GPS1: variants seen among roughly 807,000 people sequenced by gnomAD.
GPS1 encodes the protein COP9 signalosome complex subunit 1.
In GPS1, 11 loss-of-function variants were observed where a neutral mutation model predicts 60.0. That is an observed-to-expected ratio of 0.18 (90% CI 0.12 to 0.30). The LOEUF is 0.30. GPS1 is among the 10% of genes least tolerant of loss of function. The probability of loss-of-function intolerance (pLI) is 1.00; values close to 1 mark genes in which losing one functional copy is unlikely to be tolerated. For missense variants in GPS1, 543 were observed against 669.2 expected (o/e 0.81, Z 2.08); for synonymous variants, 343 against 269.8 (o/e 1.27, Z -2.66).
At position 82,052,345 on chromosome 17, in the gene GPS1, A is replaced by G. The variant is rs2030974381; in HGVS notation, c.33+381A>G. 2.5e-6 allele frequency: 4 copies of G among 1,612,916 alleles called. No individual in the cohort carries two copies. In the East Asian group the frequency reaches 8.9e-5, roughly 36 times the overall value. ...CGGCCCCCAGCTCGGCCTCCTCGTC[A>G]GTGACAGATCTGTACTGCACCCCTC... On this transcript the variant is annotated intron_variant, in intron 1 of 12. Transcript: ENST00000578552.
intron 1 of GPS1, chr17:82,052,388 C>A: frequency 6.2e-7 from 1 of 1,612,182 alleles, no homozygotes. Flanking sequence ...TAGGTCAGAC[C>A]TCGTCCTGCC....
At chr17:82,051,294 C>T (rs200724330), upstream of GPS1, 224 of 1,407,558 alleles carry the variant, frequency 1.6e-4, 1 homozygote, top group African/African-American at 2.9e-3. The surrounding 1 kb of genome is among the most constrained non-coding windows in gnomAD (Gnocchi z 4.1). Context: ...GGACACTCAC[C>T]GCCCTGGAGC....
In GPS1 at chr17:82,051,981, G is replaced by A. The variant is rs1357761068; in HGVS notation, c.33+17G>A. The A allele has an allele frequency of 1.7e-6, 2 of 1,156,512 alleles. No homozygotes were observed. The highest frequency in any genetic ancestry group is 4.8e-5 in the Admixed American group (1 of 20,968). The allele number at this position is 1,156,512 out of a possible 1,614,324, so 71.6% of individuals were successfully genotyped here. On this transcript the variant is annotated intron_variant, in intron 1 of 12. Transcript: ENST00000578552. The surrounding 1 kb of genome is among the most constrained non-coding windows in gnomAD (Gnocchi z 4.1). ...AACTTGCAGGTAACGAGCCGAGGCC[G>A]CCCCGGGCCTCCGCGCCCCCGCGCC... is the stretch of plus-strand genomic sequence containing the variant.
At chr17:82,051,891 C>T (rs1598475850), upstream of GPS1, 2 of 1,157,664 alleles carry the variant, frequency 1.7e-6, no homozygotes, top group East Asian at 3.9e-5. This position sits in a 1 kb window ranked among gnomAD's most constrained non-coding sequence, Gnocchi z 4.1. Context: ...GGCTTCGCTG[C>T]CCCGGAAGTG....
intron 1 of GPS1, chr17:82,052,584 G>A (rs2031116368): frequency 8.3e-7 from 1 of 1,208,950 alleles, no homozygotes; most frequent in East Asian, 2.6e-5. Flanking sequence ...AGCGCAGGAG[G>A]GGAGGGAGCC....
intron 2 of GPS1, 146 bp downstream of exon 2, chr17:82,053,512 TTC>T (rs1239531449): frequency 6.8e-6 from 4 of 585,842 alleles, no homozygotes; most frequent in Non-Finnish European, 1.1e-5. Context: ...CCATCAGCGT[TTC>T]TGATTGCGCA....
chr17:82,053,179 C>T, intron 1 of GPS1, 95 bp from the exon 2 acceptor site: 1 of 1,000,064 alleles, frequency 1.0e-6, no homozygotes. Context: ...CCTGGAAGAT[C>T]TTGGGCAGAG....
In GPS1 at chr17:82,054,497, G is replaced by C; in HGVS notation, c.309-13G>C. The C allele has an allele frequency of 6.7e-7, 1 of 1,493,504 alleles. No individual in the cohort carries two copies. The highest frequency in any genetic ancestry group is 2.3e-5 in the East Asian group (1 of 42,710). The allele number at this position is 1,493,504 out of a possible 1,614,324, so 92.5% of individuals were successfully genotyped here. ...GTGACCGCCGCCATCCTGATGGCCA[G>C]GTCCTCTCTCAGGGAGCTGCAGAAC... On this transcript the variant is annotated splice_polypyrimidine_tract_variant and intron_variant, in intron 3 of 12. Coordinates refer to ENST00000578552, the MANE Select transcript of GPS1 (RefSeq NM_001321092.3).
At chr17:82,052,222 G>T (rs1297004074) in intron 1 of GPS1, 2 of 1,574,124 alleles carry the variant, frequency 1.3e-6, no homozygotes, top group Non-Finnish European at 1.7e-6. Context: ...GAGGTTCCCG[G>T]CCGCCCCGAC....
At chr17:82,052,357 G>A in intron 1 of GPS1, 1 of 1,612,750 alleles carries the variant, frequency 6.2e-7, no homozygotes, top group Non-Finnish European at 8.5e-7. Context: ...TGACAGATCT[G>A]TACTGCACCC....
In GPS1 at chr17:82,057,323, C is replaced by T. The variant is rs1164343007; in HGVS notation, c.*196C>T. Reference sequence around the variant, plus strand: ...GGCCCTTCCTGGAAGGAGAGGCCTGCAGGGCTCGACCCTGTGGGTTTCTGT... The same window carrying T: ...GGCCCTTCCTGGAAGGAGAGGCCTGTAGGGCTCGACCCTGTGGGTTTCTGT... On this transcript the variant is annotated 3_prime_UTR_variant, in exon 13 of 13. Transcript: ENST00000578552. 7 of 760,444 alleles carry T rather than the reference C, an allele frequency of 9.2e-6. No homozygotes were observed. Among genetic ancestry groups the T allele is most frequent in the African/African-American group, 3.4e-5 (2 of 58,190 alleles). The allele number at this position is 760,444 out of a possible 1,614,324, so 47.1% of individuals were successfully genotyped here. A position where few individuals can be genotyped will look rare whatever the true frequency, so the allele number is the denominator to read the frequency against.
chr17:82,054,220 G>T, intron 3 of GPS1, 171 bp downstream of exon 3: 2 of 778,956 alleles, frequency 2.6e-6, no homozygotes, highest in Non-Finnish European at 4.0e-6. Context: ...TGTGTGTGTG[G>T]CTTCTGTGTG....
chr17:82,057,293 G>C lies in GPS1; in HGVS notation c.*166G>C, dbSNP rs749957833. 2.7e-5 allele frequency: 24 copies of C among 897,278 alleles called. No individual in the cohort carries two copies. The highest frequency in any genetic ancestry group is 4.2e-5 in the Non-Finnish European group (23 of 553,620). The allele number at this position is 897,278 out of a possible 1,614,324, so 55.6% of individuals were successfully genotyped here. On this transcript the variant is annotated 3_prime_UTR_variant, in exon 13 of 13. Coordinates refer to ENST00000578552, the MANE Select transcript of GPS1 (RefSeq NM_001321092.3). ...GGGCTGAGGAGGCAGGCGGCTGCTA[G>C]TTGTGGCCCTTCCTGGAAGGAGAGG... is the stretch of plus-strand genomic sequence containing the variant.
At chr17:82,052,005 C>G in intron 1 of GPS1, 41 bp downstream of exon 1, 11 of 1,139,642 alleles carry the variant, frequency 9.7e-6, no homozygotes, top group Non-Finnish European at 1.2e-5. Context: ...CGCCCCCGCG[C>G]CCCCCGCCAC....
In GPS1 at chr17:82,052,762, G is replaced by T. The variant is rs535426801; in HGVS notation, c.34-512G>T. The T allele has an allele frequency of 1.5e-4, 64 of 439,292 alleles. No individual in the cohort carries two copies. In the South Asian group the frequency reaches 1.6e-3, roughly 11 times the overall value. 27.2% of individuals were successfully genotyped at this position (439,292 alleles called of 1,614,324 possible). A position where few individuals can be genotyped will look rare whatever the true frequency, so the allele number is the denominator to read the frequency against. ...GTGTCTCCCAGCTGGGGGCCATGAGGCTCCCTGAGATGACTCTTTTCCCCT... is the reference window on the plus strand; with the variant it reads ...GTGTCTCCCAGCTGGGGGCCATGAGTCTCCCTGAGATGACTCTTTTCCCCT... On this transcript the variant is annotated intron_variant, in intron 1 of 12. Transcript: ENST00000578552.
intron 7 of GPS1, 53 bp from the exon 8 acceptor site, chr17:82,055,948 G>C: frequency 6.8e-7 from 1 of 1,468,762 alleles, no homozygotes; most frequent in South Asian, 1.1e-5. Flanking sequence ...TGATGGGCAG[G>C]CAGGGGTGGC....
rs1415694777 is a variant in GPS1 at position 82,056,476 on chromosome 17, C to G, written c.1042C>G (p.Leu348Val). ...LKMLDEMKDN[L>V]LLDMYLAPHV... ...TGACCAGCCCCTTCCCCAGGACAAC[C>G]TGCTCCTGGACATGTATCTGGCCCC... Residue 348 changes from leucine to valine, a missense_variant, in exon 10 of 13, where the codon CTG becomes GTG. Coordinates refer to ENST00000578552, the MANE Select transcript of GPS1 (RefSeq NM_001321092.3). 6.8e-6 allele frequency: 11 copies of G among 1,613,068 alleles called. No homozygotes were observed. Among genetic ancestry groups the G allele is most frequent in the Non-Finnish European group, 9.3e-6 (11 of 1,180,012 alleles).
At position 82,056,502 on chromosome 17, in the gene GPS1, C is replaced by T. The variant is rs1212942268; in HGVS notation, c.1068C>T (p.Pro356=). ...DNLLLDMYLA[P]HVRTLYTQIR... ...TGCTCCTGGACATGTATCTGGCCCC[C>T]CATGTCAGGACCCTGTACACCCAGA... is the stretch of plus-strand genomic sequence containing the variant. The change falls in exon 10 of 13, where the codon CCC becomes CCT. Residue 356 remains proline (P), a synonymous_variant. Transcript: ENST00000578552. 1.2e-6 allele frequency: 2 copies of T among 1,613,226 alleles called. No individual in the cohort carries two copies. Among genetic ancestry groups the T allele is most frequent in the South Asian group, 2.2e-5 (2 of 91,080 alleles).
intron 1 of GPS1, chr17:82,052,213 A>G: frequency 6.7e-7 from 1 of 1,493,900 alleles, no homozygotes; most frequent in Non-Finnish European, 9.2e-7. Context: ...CTCACGGGAG[A>G]GGTTCCCGGC....
Sources: gnomAD v4.1 joint callset for allele counts on GRCh38, gnomAD v4.1.1 for gene constraint, Gnocchi (gnomAD v3.1) non-coding constraint, MANE v1.5 for transcripts, NCBI Gene and HGNC (gene_info 2026-07-23, HGNC 2026-07-21) for gene names.